Variants in GRIP1 observed in about 807,000 individuals in gnomAD.
The protein encoded by GRIP1 is glutamate receptor interacting protein 1, also known as glutamate receptor-interacting protein 1.
GRIP1 carries 45 observed loss-of-function variants against 129.9 expected under a neutral mutation model. That is an observed-to-expected ratio of 0.35 (90% confidence interval 0.27 to 0.44). The LOEUF (loss-of-function observed/expected upper bound fraction) is 0.44, where lower values mean the gene tolerates loss of function less well. Ranked by LOEUF, GRIP1 falls within the 20% of genes least tolerant of loss-of-function variation. The pLI, the probability that GRIP1 is intolerant of heterozygous loss-of-function variation, is 1.00. For synonymous variants in GRIP1, 530 were observed against 520.8 expected (o/e 1.02, Z -0.24); for missense variants, 1,196 against 1,396.8 (o/e 0.86, Z 2.29).
intron 1 of GRIP1, among the ~76,000 whole-genome samples, chr12:66,618,967 T>C (rs1377472806): frequency 2.0e-5 from 3 of 152,100 alleles, no homozygotes; most frequent in Non-Finnish European, 4.4e-5. Context: ...TATTATTCTG[T>C]TTCAAAAAAG....
intron 1 of GRIP1, among the ~76,000 whole-genome samples, chr12:66,641,725 G>A (rs532658139): frequency 8.5e-5 from 13 of 152,246 alleles, no homozygotes; most frequent in Admixed American, 4.6e-4. Flanking sequence ...GTAAAGACCT[G>A]GAAGGATTCC....
At chr12:66,527,420 G>T (rs186076497) in intron 5 of GRIP1, among the ~76,000 whole-genome samples, 3 of 151,824 alleles carry the variant, frequency 2.0e-5, no homozygotes, top group Admixed American at 1.3e-4. Context: ...GCAAACTATC[G>T]CAAGGACAAA....
chr12:66,929,316 C>T (rs778381315), intron 1 of GRIP1, among the ~76,000 whole-genome samples: 2 of 152,198 alleles, frequency 1.3e-5, no homozygotes, highest in Admixed American at 6.5e-5. Flanking sequence ...CCACCCTGAC[C>T]ACCCTACCTA....
intron 13 of GRIP1, among the ~76,000 whole-genome samples, chr12:66,441,254 C>A (rs2138067075): frequency 6.6e-6 from 1 of 152,316 alleles, no homozygotes; most frequent in Admixed American, 6.5e-5. Context: ...CTTTCTTTGG[C>A]TTCCAAAATG....
chr12:66,770,316 C>T (rs1469977877), intron 1 of GRIP1, among the ~76,000 whole-genome samples: 1 of 152,128 alleles, frequency 6.6e-6, no homozygotes, highest in Non-Finnish European at 1.5e-5. Context: ...AGTTATTGTT[C>T]AGGGAACCTA....
At chr12:66,826,313 G>C (rs546211495) in intron 1 of GRIP1, among the ~76,000 whole-genome samples, 1 of 152,110 alleles carries the variant, frequency 6.6e-6, no homozygotes, top group Non-Finnish European at 1.5e-5. Flanking sequence ...GGGATGCGGG[G>C]ATAGGGGAGG....
chr12:66,709,634 G>T (rs1190914512), intron 1 of GRIP1, among the ~76,000 whole-genome samples: 1 of 151,840 alleles, frequency 6.6e-6, no homozygotes, highest in Non-Finnish European at 1.5e-5. Flanking sequence ...AGGGTACTGT[G>T]TTACCTTTCA....
intron 19 of GRIP1, among the ~76,000 whole-genome samples, chr12:66,388,129 G>GA (rs1325040200): frequency 6.6e-6 from 1 of 150,658 alleles, no homozygotes; most frequent in African/African-American, 2.4e-5. Flanking sequence ...AGTTCTCTGG[G>GA]AAAAAATAAA....
intron 16 of GRIP1, among the ~76,000 whole-genome samples, 172 bp from the exon 17 acceptor site, chr12:66,394,524 A>G (rs1172711183): frequency 6.6e-6 from 1 of 152,242 alleles, no homozygotes; most frequent in Non-Finnish European, 1.5e-5. Context: ...ATTCAAATAC[A>G]GGGATATAAT....
chr12:66,896,041 G>T (rs2040741539), intron 1 of GRIP1, among the ~76,000 whole-genome samples: 1 of 152,110 alleles, frequency 6.6e-6, no homozygotes, highest in African/African-American at 2.4e-5. Context: ...GACAAAGGCA[G>T]GCATGAAGTC....
chr12:66,889,457 G>A (rs2040620738), intron 1 of GRIP1, among the ~76,000 whole-genome samples: 1 of 152,132 alleles, frequency 6.6e-6, no homozygotes, highest in South Asian at 2.1e-4. Context: ...GTGAAACTCT[G>A]TCTCAAAAAC....
chr12:66,827,849 A>T, intron 1 of GRIP1, among the ~76,000 whole-genome samples: 1 of 152,348 alleles, frequency 6.6e-6, no homozygotes, highest in Admixed American at 6.5e-5. Context: ...ACTTAAAAAT[A>T]AATTCTTTTT....
At chr12:66,408,380 G>A (rs2057271990) in intron 15 of GRIP1, among the ~76,000 whole-genome samples, 1 of 152,192 alleles carries the variant, frequency 6.6e-6, no homozygotes, top group Admixed American at 6.5e-5. Context: ...TCGGGAGGCT[G>A]AGGCAGGAGA....
At chr12:66,720,810 G>A (rs1466501307) in intron 1 of GRIP1, among the ~76,000 whole-genome samples, 1 of 151,962 alleles carries the variant, frequency 6.6e-6, no homozygotes, top group Non-Finnish European at 1.5e-5. Flanking sequence ...CTCCTCTACT[G>A]AACTCTTGAA....
intron 1 of GRIP1, among the ~76,000 whole-genome samples, chr12:66,669,125 T>A (rs2033945601): frequency 6.6e-6 from 1 of 151,842 alleles, no homozygotes; most frequent in Non-Finnish European, 1.5e-5. Context: ...AAAATTGACA[T>A]CATTTGGCCA....
intron 7 of GRIP1, among the ~76,000 whole-genome samples, chr12:66,481,905 A>T (rs1379162397): frequency 2.0e-5 from 3 of 151,704 alleles, no homozygotes; most frequent in Non-Finnish European, 4.4e-5. Flanking sequence ...CAATGAGAAC[A>T]CATGGACACA....
chr12:66,534,336 C>T (rs910241546), intron 4 of GRIP1, among the ~76,000 whole-genome samples: 9 of 152,164 alleles, frequency 5.9e-5, no homozygotes, highest in African/African-American at 2.2e-4. Context: ...TCTCCTTTAA[C>T]TCTACTAATG....
intron 1 of GRIP1, among the ~76,000 whole-genome samples, chr12:66,609,897 C>T (rs1169278161): frequency 8.6e-5 from 13 of 152,040 alleles, no homozygotes; most frequent in Non-Finnish European, 1.5e-5. Flanking sequence ...TGAAAGTAAT[C>T]ATGTAAAACT....
intron 1 of GRIP1, among the ~76,000 whole-genome samples, chr12:66,765,884 G>A (rs905834605): frequency 6.6e-6 from 1 of 152,158 alleles, no homozygotes; most frequent in African/African-American, 2.4e-5. Flanking sequence ...GAAGATGGGA[G>A]GAGAATGAAC....
Sources: allele counts gnomAD v4.1 joint callset (sites outside exome capture counted in the v4.1 genomes callset), GRCh38; gene constraint gnomAD v4.1.1; transcripts MANE v1.5; gene names NCBI Gene and HGNC (gene_info 2026-07-23, HGNC 2026-07-21).